POLH: variants seen among roughly 807,000 people sequenced by gnomAD.
The protein encoded by POLH is DNA polymerase eta, also known as DNA polymerase eta transcript.
In POLH, 53 loss-of-function variants were observed where a neutral mutation model predicts 73.6. That is an observed-to-expected ratio of 0.72 (90% CI 0.58 to 0.91). The LOEUF is 0.91. Ranked by LOEUF, POLH falls within the 40% of genes least tolerant of loss-of-function variation. POLH has a pLI of 0.00. For synonymous variants in POLH, 292 were observed against 308.5 expected, an observed-to-expected ratio of 0.95 and a Z score of 0.56; for missense variants, 768 against 865.4, an observed-to-expected ratio of 0.89 and a Z score of 1.41.
intron 4 of POLH, among the ~76,000 whole-genome samples, chr6:43,590,371 C>A (rs1448158559): frequency 1.7e-4 from 25 of 146,124 alleles, no homozygotes; most frequent in South Asian, 4.3e-4. Context: ...AAAAAAAAAA[C>A]AAAAAACTTG....
chr6:43,578,491 G>A, intron 1 of POLH: 1 of 399,194 alleles, frequency 2.5e-6, no homozygotes, highest in East Asian at 9.0e-5. Flanking sequence ...ATTTAAAGCA[G>A]CCTGGCGGGG....
In POLH at chr6:43,614,319, G is replaced by A; in HGVS notation, c.1904G>A (p.Cys635Tyr). ...CTAGCTGCTGAGGACCAAGTGCCCT[G>A]TGAGAAGTGTGGCTCCCTGGTACCG... Reference protein sequence around the residue: ...SLLAAEDQVPCEKCGSLVPVW... With the variant: ...SLLAAEDQVPYEKCGSLVPVW... Residue 635 changes from cysteine to tyrosine, a missense_variant, in exon 11 of 11, where the codon TGT becomes TAT. Cys to Tyr is a radical substitution (Grantham distance 194, BLOSUM62 -2). Transcript: ENST00000372236. 1.9e-6 allele frequency: 3 copies of A among 1,603,882 alleles called. No homozygotes were observed. Among genetic ancestry groups the A allele is most frequent in the Non-Finnish European group, 2.6e-6 (3 of 1,172,840 alleles).
At chr6:43,612,782 TTA>T (rs1768034672) in intron 10 of POLH, among the ~76,000 whole-genome samples, 1 of 152,008 alleles carries the variant, frequency 6.6e-6, no homozygotes, top group East Asian at 1.9e-4. Context: ...ATGAGGAACT[TTA>T]TGACAAAAAT....
chr6:43,617,916 C>CAA lies in POLH; in HGVS notation c.*3371_*3372dup, dbSNP rs397944590. Among the ~76,000 whole-genome samples, 13 of 137,004 alleles carry CAA rather than the reference C, an allele frequency of 9.5e-5. No individual in the cohort carries two copies. Among genetic ancestry groups the CAA allele is most frequent in the African/African-American group, 2.4e-4 (9 of 38,130 alleles). 89.9% of individuals were successfully genotyped at this position (137,004 alleles called of 152,430 possible). A position where few individuals can be genotyped will look rare whatever the true frequency, so the allele number is the denominator to read the frequency against. On this transcript the variant is annotated 3_prime_UTR_variant, in exon 11 of 11. Coordinates refer to ENST00000372236, the MANE Select transcript of POLH (RefSeq NM_006502.3). ...CCCTGGCGACACAGCAAGACTGTCT[C>CAA]AAAAAAAAAAAAATTCCCAATGTGT...
chr6:43,589,004 A>T (rs112750717), intron 4 of POLH, among the ~76,000 whole-genome samples: 1 of 151,504 alleles, frequency 6.6e-6, no homozygotes, highest in African/African-American at 2.4e-5. Flanking sequence ...CGCCCGGCTA[A>T]TTTTTTTGTA....
chr6:43,585,225 C>G (rs1764669807), intron 3 of POLH, among the ~76,000 whole-genome samples: 1 of 152,154 alleles, frequency 6.6e-6, no homozygotes, highest in Admixed American at 6.5e-5. Context: ...TTCATGCCCT[C>G]CCTGGGTGAG....
At chr6:43,601,227 A>G in intron 6 of POLH, 136 bp downstream of exon 6, 1 of 714,368 alleles carries the variant, frequency 1.4e-6, no homozygotes, top group Non-Finnish European at 2.6e-6. Context: ...AAAACAACAC[A>G]GAACATTTTG....
intron 8 of POLH, among the ~76,000 whole-genome samples, 163 bp from the exon 9 acceptor site, chr6:43,605,091 C>T: frequency 6.6e-6 from 1 of 152,170 alleles, no homozygotes; most frequent in Middle Eastern, 3.4e-3. Context: ...TAGGGCAGGA[C>T]AGAAGGACTG....
rs2127829168 is a variant in POLH at position 43,619,444 on chromosome 6, C to T, written c.*4887C>T. ...CTTTTCCCCCTAACTAGCTATGTAGCTTCTTAAAGGCAAAGATTCTTCATA... is the reference window on the plus strand; with the variant it reads ...CTTTTCCCCCTAACTAGCTATGTAGTTTCTTAAAGGCAAAGATTCTTCATA... On this transcript the variant is annotated 3_prime_UTR_variant, in exon 11 of 11. Coordinates refer to ENST00000372236, the MANE Select transcript of POLH (RefSeq NM_006502.3). Among the ~76,000 whole-genome samples the T allele has an allele frequency of 6.8e-6, 1 of 146,780 alleles. No individual in the cohort carries two copies. Among genetic ancestry groups the T allele is most frequent in the East Asian group, 2.1e-4 (1 of 4,794 alleles).
chr6:43,604,521 A>G (rs934781502), intron 7 of POLH, 94 bp from the exon 8 acceptor site: 2 of 1,380,366 alleles, frequency 1.4e-6, no homozygotes, highest in African/African-American at 1.4e-5. Flanking sequence ...TTTCATGAAA[A>G]AGATAAAAGG....
intron 9 of POLH, among the ~76,000 whole-genome samples, chr6:43,607,819 C>A (rs1452683779): frequency 6.6e-6 from 1 of 152,150 alleles, no homozygotes; most frequent in Non-Finnish European, 1.5e-5. Context: ...GCTTGTTGGA[C>A]ATTTGTATAT....
chr6:43,590,086 C>T (rs1335363510), intron 4 of POLH, among the ~76,000 whole-genome samples: 3 of 150,900 alleles, frequency 2.0e-5, no homozygotes, highest in East Asian at 3.9e-4. Flanking sequence ...TGGCTGGGTG[C>T]GGTGGCTCAC....
intron 1 of POLH, among the ~76,000 whole-genome samples, chr6:43,578,913 T>C (rs1406225891): frequency 6.6e-6 from 1 of 152,232 alleles, no homozygotes; most frequent in Non-Finnish European, 1.5e-5. Context: ...AGCCTATTTT[T>C]ATGTGCCAAT....
intron 5 of POLH, among the ~76,000 whole-genome samples, chr6:43,599,790 A>G (rs1766520959): frequency 6.6e-6 from 1 of 151,074 alleles, no homozygotes; most frequent in African/African-American, 2.4e-5. Flanking sequence ...TAATTTTTAA[A>G]TTATATTAAA....
intron 4 of POLH, among the ~76,000 whole-genome samples, chr6:43,595,125 G>A (rs2127790531): frequency 6.6e-6 from 1 of 151,848 alleles, no homozygotes; most frequent in African/African-American, 2.4e-5. Context: ...GAGCTCAGGA[G>A]GCAGAGAATG....
At chr6:43,580,677 C>A (rs1344314059) in intron 1 of POLH, among the ~76,000 whole-genome samples, 2 of 139,202 alleles carry the variant, frequency 1.4e-5, no homozygotes, top group Admixed American at 6.9e-5. Context: ...CTGACCCCCC[C>A]ACCTCCCTCC....
intron 9 of POLH, among the ~76,000 whole-genome samples, chr6:43,608,918 C>T (rs1228365564): frequency 6.6e-6 from 1 of 152,164 alleles, no homozygotes; most frequent in Non-Finnish European, 1.5e-5. Flanking sequence ...CTGACCCCAT[C>T]TCTTATCTTC....
chr6:43,605,925 T>C (rs189539538), intron 9 of POLH, among the ~76,000 whole-genome samples: 2 of 152,066 alleles, frequency 1.3e-5, no homozygotes, highest in Non-Finnish European at 2.9e-5. Flanking sequence ...GGTTCTACCA[T>C]ATTGGCCAGG....
intron 4 of POLH, among the ~76,000 whole-genome samples, chr6:43,595,246 T>G (rs1439654586): frequency 6.6e-6 from 1 of 151,920 alleles, no homozygotes; most frequent in East Asian, 1.9e-4. Flanking sequence ...TTCTCCTGTC[T>G]CAGCCTCCTG....
Sources: gnomAD v4.1 joint callset for allele counts (sites outside exome capture counted in the v4.1 genomes callset) on GRCh38, gnomAD v4.1.1 for gene constraint, MANE v1.5 for transcripts, NCBI Gene and HGNC (gene_info 2026-07-23, HGNC 2026-07-21) for gene names.